The following PRDM15 variants were observed in gnomAD, a reference collection of about 807,000 sequenced individuals.
PRDM15 encodes the protein PR/SET domain 15.
A neutral mutation model predicts 128.6 loss-of-function variants in PRDM15; 64 were observed. The ratio of observed to expected loss-of-function variants is 0.50; its 90% confidence interval spans 0.41 to 0.61. The LOEUF is 0.61. Among genes scored for constraint, PRDM15 ranks in the 20% least tolerant of loss-of-function variants. The pLI is 0.00. For missense variants in PRDM15, 1,242 were observed against 1,569.1 expected (o/e 0.79, Z 3.52); for synonymous variants, 615 against 621.8 (o/e 0.99, Z 0.16).
intron 21 of PRDM15, among the ~76,000 whole-genome samples, chr21:41,809,208 A>G (rs2146258736): frequency 6.6e-6 from 1 of 151,168 alleles, no homozygotes; most frequent in Non-Finnish European, 1.5e-5. Context: ...TCTGTCTAAC[A>G]CAGCCATGGC....
intron 1 of PRDM15, among the ~76,000 whole-genome samples, chr21:41,866,554 G>T (rs1382370344): frequency 6.6e-6 from 1 of 152,196 alleles, no homozygotes; most frequent in Non-Finnish European, 1.5e-5. Context: ...CCTGGTTCAC[G>T]TACTTGAAAG....
At chr21:41,805,253 G>T (rs1416870295) in intron 21 of PRDM15, among the ~76,000 whole-genome samples, 2 of 152,198 alleles carry the variant, frequency 1.3e-5, no homozygotes, top group Non-Finnish European at 2.9e-5. Context: ...TTGTTCCTGT[G>T]ATGACCTAAT....
chr21:41,846,376 C>T (rs1339088496), intron 6 of PRDM15, among the ~76,000 whole-genome samples: 1 of 152,254 alleles, frequency 6.6e-6, no homozygotes, highest in East Asian at 1.9e-4. Flanking sequence ...CTCTCCCGGC[C>T]ACCTTAAATT....
At chr21:41,822,784 C>T (rs1229862519) in intron 14 of PRDM15, among the ~76,000 whole-genome samples, 2 of 152,172 alleles carry the variant, frequency 1.3e-5, no homozygotes, top group Non-Finnish European at 2.9e-5. Context: ...CCTGTAATCG[C>T]AGCACTTTGG....
intron 6 of PRDM15, among the ~76,000 whole-genome samples, chr21:41,841,722 G>A (rs780696040): frequency 2.0e-5 from 3 of 152,124 alleles, no homozygotes; most frequent in Non-Finnish European, 2.9e-5. Context: ...TGTTAGATGC[G>A]GCATTGTAAA....
chr21:41,811,193 C>A lies in PRDM15; in HGVS notation c.2393-357G>T. ...CTTAGTCCAGGAAGCTCTTAGGCAG[C>A]ACATGTGATATTACAATGAGAGAGG... On this transcript the variant is annotated intron_variant, in intron 19 of 23. Transcript: ENST00000398548. This position sits in a 1 kb window ranked among gnomAD's most constrained non-coding sequence, Gnocchi z 4.1. 1 of 226,578 alleles carries A rather than the reference C, an allele frequency of 4.4e-6. No individual in the cohort carries two copies. Among genetic ancestry groups the A allele is most frequent in the South Asian group, 7.7e-5 (1 of 12,956 alleles). 14.0% of individuals were successfully genotyped at this position (226,578 alleles called of 1,614,324 possible). A position where few individuals can be genotyped will look rare whatever the true frequency, so the allele number is the denominator to read the frequency against.
Position 41,820,176 on chromosome 21 carries a change from T to C in PRDM15, c.2061-2A>G, listed in dbSNP as rs1252484655. 6.2e-7 allele frequency: 1 copy of C among 1,613,102 alleles called. No individual in the cohort carries two copies. The highest frequency in any genetic ancestry group is 8.5e-7 in the Non-Finnish European group (1 of 1,179,596). Reference sequence around the variant, plus strand: ...CAGATCTCGCAGGGGTGGATGTACCTGAAACCAGAGACAAGCTCAGGATGG... The same window carrying C: ...CAGATCTCGCAGGGGTGGATGTACCCGAAACCAGAGACAAGCTCAGGATGG... On this transcript the variant is annotated splice_acceptor_variant, in intron 16 of 23. Coordinates refer to ENST00000398548, the MANE Select transcript of PRDM15 (RefSeq NM_001040424.3). LOFTEE classifies it high-confidence loss of function.
intron 5 of PRDM15, among the ~76,000 whole-genome samples, chr21:41,851,911 C>A (rs1045997422): frequency 1.3e-5 from 2 of 152,170 alleles, no homozygotes; most frequent in Non-Finnish European, 2.9e-5. Flanking sequence ...CAATTAAAAA[C>A]CTTGTTTAGG....
chr21:41,834,196 A>G (rs908102866), intron 11 of PRDM15, among the ~76,000 whole-genome samples: 3 of 151,796 alleles, frequency 2.0e-5, no homozygotes, highest in African/African-American at 7.3e-5. Flanking sequence ...CCTGCCCCTC[A>G]GAACAGTCCA....
chr21:41,869,778 A>C (rs2064147139), intron 1 of PRDM15, among the ~76,000 whole-genome samples: 1 of 152,180 alleles, frequency 6.6e-6, no homozygotes, highest in East Asian at 1.9e-4. Context: ...CTTACATTTA[A>C]ATCTGTTATC....
intron 1 of PRDM15, 89 bp from the exon 2 acceptor site, chr21:41,860,461 C>T: frequency 1.8e-6 from 2 of 1,136,798 alleles, no homozygotes; most frequent in Admixed American, 3.5e-5. Flanking sequence ...CTCTGTTGCC[C>T]AGGATAGATA....
rs2061812414 is a variant in PRDM15, at chr21:41,810,061, G to T, written c.2652+93C>A. On this transcript the variant is annotated intron_variant, in intron 21 of 23. Transcript: ENST00000398548. This position sits in a 1 kb window ranked among gnomAD's most constrained non-coding sequence, Gnocchi z 6.4. ...TCAGGGCCTGCCTCCAGTACTGGGG[G>T]TCTGCAGAGGGAGGTGGGCCATGTG... 2.4e-6 allele frequency: 3 copies of T among 1,275,994 alleles called. No homozygotes were observed. Among genetic ancestry groups the T allele is most frequent in the Non-Finnish European group, 3.3e-6 (3 of 916,860 alleles). The allele number at this position is 1,275,994 out of a possible 1,614,324, so 79.0% of individuals were successfully genotyped here. A position where few individuals can be genotyped will look rare whatever the true frequency, so the allele number is the denominator to read the frequency against.
chr21:41,822,373 G>C (rs959054511), intron 14 of PRDM15, among the ~76,000 whole-genome samples: 1 of 152,192 alleles, frequency 6.6e-6, no homozygotes, highest in Non-Finnish European at 1.5e-5. Context: ...TTCAGTTCTT[G>C]ATCAGCGCTT....
rs767176713 is a variant in PRDM15, at chr21:41,861,958, C to G, written c.-9-1586G>C. ...TCAAAGGTATCTCGTGCGGCTCTAG[C>G]AAGTGTGACTCAGTTTCATAGCCGC... On this transcript the variant is annotated intron_variant, in intron 1 of 23. Transcript: ENST00000398548. 4.3e-6 allele frequency: 7 copies of G among 1,614,042 alleles called. No homozygotes were observed. The Admixed American group carries it at 8.3e-5, about 19-fold the overall frequency.
In PRDM15 at chr21:41,854,846, C is replaced by G. The variant is rs1278218016; in HGVS notation, c.286-28G>C. Reference sequence around the variant, plus strand: ...GAAGGTGAGTCGGCCCATGGAGAAGCCGGGGAAATGGCTGATTACCCATCT... The same window carrying G: ...GAAGGTGAGTCGGCCCATGGAGAAGGCGGGGAAATGGCTGATTACCCATCT... On this transcript the variant is annotated intron_variant, in intron 4 of 23. Coordinates refer to ENST00000398548, the MANE Select transcript of PRDM15 (RefSeq NM_001040424.3). This position sits in a 1 kb window ranked among gnomAD's most constrained non-coding sequence, Gnocchi z 4.6. 1.9e-6 allele frequency: 3 copies of G among 1,580,370 alleles called. No individual in the cohort carries two copies. Among genetic ancestry groups the G allele is most frequent in the Non-Finnish European group, 2.6e-6 (3 of 1,159,490 alleles).
chr21:41,864,444 T>C (rs1032892455), intron 1 of PRDM15, among the ~76,000 whole-genome samples: 2 of 148,286 alleles, frequency 1.3e-5, no homozygotes, highest in African/African-American at 5.0e-5. Flanking sequence ...GCATCTTCAT[T>C]CAGAAGGCAA....
chr21:41,810,560 CAAG>C lies in PRDM15; in HGVS notation c.2476+190_2476+192del. The C allele has an allele frequency of 1.6e-6, 1 of 645,002 alleles. No homozygotes were observed. Among genetic ancestry groups the C allele is most frequent in the Non-Finnish European group, 2.7e-6 (1 of 375,152 alleles). The allele number at this position is 645,002 out of a possible 1,614,324, so 40.0% of individuals were successfully genotyped here. A position where few individuals can be genotyped will look rare whatever the true frequency, so the allele number is the denominator to read the frequency against. On this transcript the variant is annotated intron_variant, in intron 20 of 23. Coordinates refer to ENST00000398548, the MANE Select transcript of PRDM15 (RefSeq NM_001040424.3). The surrounding 1 kb of genome is among the most constrained non-coding windows in gnomAD (Gnocchi z 6.4). ...ATCACGGAACCAATATGAGAAAATT[CAAG>C]AAGGGATACTTGAAAGCTGTGGCGG...
At position 41,832,309 on chromosome 21, in the gene PRDM15, C is replaced by G. The variant is rs2062719780; in HGVS notation, c.1366+3128G>C. On this transcript the variant is annotated intron_variant, in intron 11 of 23. Transcript: ENST00000398548. This position sits in a 1 kb window ranked among gnomAD's most constrained non-coding sequence, Gnocchi z 4.2. ...AAGGCCACACCTTACAGCGCTGTGG[C>G]ATCAGATTGCCACAGGCCACACCTT... is the stretch of plus-strand genomic sequence containing the variant. Among the ~76,000 whole-genome samples, 1 of 152,144 alleles carries G rather than the reference C, an allele frequency of 6.6e-6. No homozygotes were observed. The highest frequency in any genetic ancestry group is 2.4e-5 in the African/African-American group (1 of 41,438).
rs890116586 is a variant in PRDM15 at position 41,800,270 on chromosome 21, T to C, written c.*970A>G. ...GATTCTGGCTGGGCTTCAGCCAGAATGGATACATTTGGATTGCAGAGAATC... is the reference window on the plus strand; with the variant it reads ...GATTCTGGCTGGGCTTCAGCCAGAACGGATACATTTGGATTGCAGAGAATC... On this transcript the variant is annotated 3_prime_UTR_variant, in exon 24 of 24. Transcript: ENST00000398548. 1.4e-4 allele frequency: 22 copies of C among 152,362 alleles called. No homozygotes were observed. Among genetic ancestry groups the C allele is most frequent in the Admixed American group, 5.2e-4 (8 of 15,306 alleles). 9.4% of individuals were successfully genotyped at this position (152,362 alleles called of 1,614,324 possible). A position where few individuals can be genotyped will look rare whatever the true frequency, so the allele number is the denominator to read the frequency against.
Sources: gnomAD v4.1 joint callset for allele counts (sites outside exome capture counted in the v4.1 genomes callset) on GRCh38, gnomAD v4.1.1 for gene constraint, Gnocchi (gnomAD v3.1) non-coding constraint, MANE v1.5 for transcripts, NCBI Gene and HGNC (gene_info 2026-07-23, HGNC 2026-07-21) for gene names.